LAMC1: variants seen among roughly 807,000 people sequenced by gnomAD.
LAMC1 encodes the protein laminin subunit gamma 1.
Under a neutral mutation model 173.6 loss-of-function variants are expected in LAMC1, and 38 were observed. The ratio of observed to expected loss-of-function variants is 0.22; its 90% CI spans 0.17 to 0.29. The LOEUF (loss-of-function observed/expected upper bound fraction) is 0.29, where lower values mean the gene tolerates loss of function less well. Ranked by LOEUF, LAMC1 falls within the 10% of genes least tolerant of loss-of-function variation. The pLI is 1.00. For synonymous variants in LAMC1, 746 were observed against 749.1 expected (o/e 1.00, Z 0.07); for missense variants, 1,824 against 2,051.8 (o/e 0.89, Z 2.14).
At chr1:183,026,900 G>C (rs1418235227) in intron 1 of LAMC1, among the ~76,000 whole-genome samples, 2 of 152,212 alleles carry the variant, frequency 1.3e-5, no homozygotes, top group Non-Finnish European at 2.9e-5. Context: ...GTAATGACAA[G>C]TGAGTTTCTT....
intron 1 of LAMC1, among the ~76,000 whole-genome samples, chr1:183,067,303 C>CT: frequency 6.6e-6 from 1 of 151,934 alleles, no homozygotes; most frequent in East Asian, 1.9e-4. Flanking sequence ...GTTTAGAATT[C>CT]TTTTTTTGTC....
chr1:183,052,483 G>A (rs529112706), intron 1 of LAMC1, among the ~76,000 whole-genome samples: 56 of 152,044 alleles, frequency 3.7e-4, no homozygotes, highest in South Asian at 2.3e-3. Context: ...ACAGGCATGC[G>A]CCACCACGCC....
chr1:183,123,947 G>A (rs1181105108), intron 13 of LAMC1, among the ~76,000 whole-genome samples: 5 of 152,218 alleles, frequency 3.3e-5, no homozygotes, highest in Admixed American at 1.3e-4. Flanking sequence ...ACTAATCAAG[G>A]TAGGAAAGTG....
intron 1 of LAMC1, among the ~76,000 whole-genome samples, chr1:183,067,996 A>G (rs371844596): frequency 1.3e-5 from 2 of 152,122 alleles, no homozygotes; most frequent in African/African-American, 2.4e-5. Flanking sequence ...TCTCCCAGAA[A>G]ATAAGTGGAT....
chr1:183,130,083 A>C (rs1450491924), intron 18 of LAMC1, among the ~76,000 whole-genome samples: 1 of 152,156 alleles, frequency 6.6e-6, no homozygotes, highest in Non-Finnish European at 1.5e-5. Flanking sequence ...CCACTGCATA[A>C]GACCAGCGAT....
In LAMC1 at chr1:183,035,322, A is replaced by G. The variant is rs137947882; in HGVS notation, c.418+11188A>G. ...TCCCACCTCAGCCTCCTGAGTAGCT[A>G]GGACTACAGGCATATGCCACCATGC... On this transcript the variant is annotated intron_variant, in intron 1 of 27. Transcript: ENST00000258341. 2.5e-3 allele frequency among the ~76,000 whole-genome samples: 381 copies of G among 152,254 alleles called. 4 individuals carry two copies. The highest frequency in any genetic ancestry group is 7.9e-3 in the African/African-American group (327 of 41,544).
At chr1:183,121,461 TAATA>T (rs1161497531) in intron 11 of LAMC1, among the ~76,000 whole-genome samples, 1 of 151,896 alleles carries the variant, frequency 6.6e-6, no homozygotes, top group African/African-American at 2.4e-5. Context: ...ACAAATAAAT[TAATA>T]AATAAAATAA....
At chr1:183,094,920 C>T (rs777574374) in intron 1 of LAMC1, among the ~76,000 whole-genome samples, 14 of 127,758 alleles carry the variant, frequency 1.1e-4, no homozygotes, top group Admixed American at 3.5e-4. Flanking sequence ...GATCTCAGCT[C>T]ACTGCAACCT....
chr1:183,053,248 C>T (rs1362202548), intron 1 of LAMC1, among the ~76,000 whole-genome samples: 2 of 152,178 alleles, frequency 1.3e-5, no homozygotes, highest in African/African-American at 2.4e-5. Flanking sequence ...ATATTTTCGA[C>T]TATAGCCATT....
chr1:183,118,170 G>A (rs377743139), intron 11 of LAMC1, 24 bp downstream of exon 11: 2 of 1,332,048 alleles, frequency 1.5e-6, no homozygotes, highest in Non-Finnish European at 2.1e-6. Context: ...TAATTTAGGA[G>A]AGTTGTTTAA....
At chr1:183,090,438 C>T (rs925612170) in intron 1 of LAMC1, among the ~76,000 whole-genome samples, 5 of 152,240 alleles carry the variant, frequency 3.3e-5, no homozygotes, top group Non-Finnish European at 5.9e-5. Flanking sequence ...CATTCTTACT[C>T]GTCTGCAAAG....
At chr1:183,094,071 C>A (rs192381132) in intron 1 of LAMC1, among the ~76,000 whole-genome samples, 8 of 152,294 alleles carry the variant, frequency 5.3e-5, no homozygotes, top group Middle Eastern at 3.4e-3. Context: ...CAGAGCCCTC[C>A]ATGTTGGCAT....
At chr1:183,088,023 G>A (rs1307572947) in intron 1 of LAMC1, among the ~76,000 whole-genome samples, 1 of 151,960 alleles carries the variant, frequency 6.6e-6, no homozygotes, top group East Asian at 1.9e-4. Flanking sequence ...ATGTTGGTCA[G>A]GCTGGTCTGG....
Position 183,103,595 on chromosome 1 carries a change from C to T in LAMC1, c.686C>T (p.Pro229Leu). The change falls in exon 2 of 28, where the codon CCC (proline) becomes CTC (leucine). Residue 229 changes from proline (P) to leucine (L), a missense_variant. Physicochemically the swap from Pro to Leu is moderately conservative, Grantham distance 98 (BLOSUM62 -3). Coordinates refer to ENST00000258341, the MANE Select transcript of LAMC1 (RefSeq NM_002293.4). ...NVAFSTLEGR[P>L]SAYNFDNSPV... ...GCCTTTTCTACCCTGGAAGGAAGGC[C>T]CAGCGCCTATAACTTTGACAATAGC... 1 of 1,592,750 alleles carries T rather than the reference C, an allele frequency of 6.3e-7. No homozygotes were observed. Among genetic ancestry groups the T allele is most frequent in the Non-Finnish European group, 8.5e-7 (1 of 1,170,146 alleles).
chr1:183,121,752 G>A lies in LAMC1; in HGVS notation c.2020G>A (p.Ala674Thr). ...SAGYLDDVTL[A>T]SARPGPGVPA... ...TGGATATTTGGATGATGTCACCCTG[G>A]CAAGTGCTCGTCCTGGGCCTGGAGT... Residue 674 changes from alanine (A) to threonine (T), a missense_variant, in exon 12 of 28, where the codon GCA (alanine) becomes ACA (threonine). Transcript: ENST00000258341. The A allele has an allele frequency of 3.7e-6, 6 of 1,614,062 alleles. No homozygotes were observed. The highest frequency in any genetic ancestry group is 5.1e-6 in the Non-Finnish European group (6 of 1,179,984).
chr1:183,142,487 C>G (rs1657142695), intron 27 of LAMC1, 47 bp from the exon 28 acceptor site: 2 of 1,543,392 alleles, frequency 1.3e-6, no homozygotes, highest in Admixed American at 1.9e-5. Context: ...AGGGATCATT[C>G]TTACTGAATA....
chr1:183,129,095 T>C (rs1656709284), intron 18 of LAMC1, among the ~76,000 whole-genome samples: 1 of 147,230 alleles, frequency 6.8e-6, no homozygotes, highest in South Asian at 2.2e-4. Flanking sequence ...TTTTTTTTTT[T>C]TTTTTTTTTT....
In LAMC1 at chr1:183,118,133, ATACAGTGAGAGAAG is replaced by A. The variant is rs756768860; in HGVS notation, c.1980_1990+3del. 3.8e-6 allele frequency: 6 copies of A among 1,565,248 alleles called. No homozygotes were observed. ...TGACCTCTATCAAGATACGTGGGAC[ATACAGTGAGAGAAG>A]TAAGTTATGATATAATTTAGGAGAG... On this transcript the variant is annotated splice_donor_variant and coding_sequence_variant, in exon 11 of 28. Coordinates refer to ENST00000258341, the MANE Select transcript of LAMC1 (RefSeq NM_002293.4). LOFTEE classifies it high-confidence loss of function.
intron 1 of LAMC1, among the ~76,000 whole-genome samples, chr1:183,035,853 C>T (rs1653966149): frequency 6.6e-6 from 1 of 152,116 alleles, no homozygotes; most frequent in African/African-American, 2.4e-5. Context: ...GGTAGAGACC[C>T]CTGTGATTGT....
Sources: allele counts gnomAD v4.1 joint callset (sites outside exome capture counted in the v4.1 genomes callset), GRCh38; gene constraint gnomAD v4.1.1; transcripts MANE v1.5; gene names NCBI Gene and HGNC (gene_info 2026-07-23, HGNC 2026-07-21).